The following PTPN11 variants were observed in gnomAD, a reference collection of about 807,000 sequenced individuals.
The protein encoded by PTPN11 is tyrosine-protein phosphatase non-receptor type 11.
Under a neutral mutation model 78.8 loss-of-function variants are expected in PTPN11, and 6 were observed. That is an observed-to-expected ratio of 0.08 (90% CI 0.04 to 0.15). PTPN11 has a LOEUF of 0.15. Ranked by LOEUF, PTPN11 falls within the 10% of genes least tolerant of loss-of-function variation. The probability of loss-of-function intolerance (pLI) is 1.00; values close to 1 mark genes in which losing one functional copy is unlikely to be tolerated. For missense variants in PTPN11, 386 were observed against 744.8 expected, an observed-to-expected ratio of 0.52 and a Z score of 5.61; for synonymous variants, 221 against 263.5, an observed-to-expected ratio of 0.84 and a Z score of 1.56.
intron 13 of PTPN11, among the ~76,000 whole-genome samples, chr12:112,499,096 A>G (rs955563638): frequency 6.6e-6 from 1 of 151,810 alleles, no homozygotes; most frequent in East Asian, 1.9e-4. Context: ...CAGTAATACA[A>G]GACAAAAAAC....
chr12:112,458,163 G>A (rs904936634), intron 6 of PTPN11, among the ~76,000 whole-genome samples: 6 of 152,138 alleles, frequency 3.9e-5, no homozygotes, highest in Non-Finnish European at 5.9e-5. Context: ...CCTAAGGGAG[G>A]TTAAGTAAAT....
At chr12:112,447,658 C>T (rs2038015021) in intron 2 of PTPN11, among the ~76,000 whole-genome samples, 1 of 151,890 alleles carries the variant, frequency 6.6e-6, no homozygotes, top group Admixed American at 6.6e-5. Context: ...TGCCACCATG[C>T]CCAGCTAATT....
In PTPN11 at chr12:112,442,830, T is replaced by TTATATATATA. The variant is rs71086107; in HGVS notation, c.15-3407_15-3398dup. ...CTCTCTCCTCTCTCTCTCTCTCTTTTTATATATATATATATATATATATAT... is the reference window on the plus strand; with the variant it reads ...CTCTCTCCTCTCTCTCTCTCTCTTTTTATATATATATATATATATATATATATATATATAT... On this transcript the variant is annotated intron_variant, in intron 1 of 15. Transcript: ENST00000351677. Among the ~76,000 whole-genome samples the TTATATATATA allele has an allele frequency of 4.1e-3, 179 of 43,450 alleles. 1 individual carries two copies. The highest frequency in any genetic ancestry group is 8.0e-3 in the Non-Finnish European group (134 of 16,714). The allele number at this position is 43,450 out of a possible 152,430, so 28.5% of individuals were successfully genotyped here. A position where few individuals can be genotyped will look rare whatever the true frequency, so the allele number is the denominator to read the frequency against.
At chr12:112,460,702 C>T (rs1251904434) in intron 6 of PTPN11, among the ~76,000 whole-genome samples, 5 of 151,974 alleles carry the variant, frequency 3.3e-5, no homozygotes, top group South Asian at 2.1e-4. Flanking sequence ...ATTAGCTGGG[C>T]GTGGTAGTGC....
intron 1 of PTPN11, among the ~76,000 whole-genome samples, chr12:112,424,867 T>TTGTGTGTGTGTGTGTGTGTGTGTGTA (rs567490227): frequency 3.0e-5 from 4 of 135,082 alleles, no homozygotes; most frequent in Non-Finnish European, 4.7e-5. Context: ...GTCAGGCTAA[T>TTGTGTGTGTGTGTGTGTGTGTGTGTA]TGTGTGTGTG....
At chr12:112,496,027 A>G (rs993507515) in intron 13 of PTPN11, among the ~76,000 whole-genome samples, 1 of 152,184 alleles carries the variant, frequency 6.6e-6, no homozygotes, top group Non-Finnish European at 1.5e-5. Flanking sequence ...CATCTCTTGG[A>G]GCTTAATTGA....
chr12:112,435,243 C>T (rs1470127885), intron 1 of PTPN11, among the ~76,000 whole-genome samples: 1 of 152,146 alleles, frequency 6.6e-6, no homozygotes, highest in Admixed American at 6.6e-5. Context: ...TGATCTTGAA[C>T]TCCTGGTCTC....
chr12:112,442,830 T>TTATA (rs71086107), intron 1 of PTPN11, among the ~76,000 whole-genome samples: 1,141 of 43,230 alleles, frequency 0.026, 24 homozygotes, highest in Non-Finnish European at 0.048. Flanking sequence ...CTCTCTCTTT[T>TTATA]TATATATATA....
chr12:112,482,412 C>T lies in PTPN11; in HGVS notation c.1224+207C>T, dbSNP rs921996614. Among the ~76,000 whole-genome samples the T allele has an allele frequency of 1.3e-5, 2 of 152,188 alleles. No homozygotes were observed. Among genetic ancestry groups the T allele is most frequent in the African/African-American group, 4.8e-5 (2 of 41,444 alleles). ...ACAAGGCAGGTAGTGTTCCTGCCCT[C>T]ATCGAGCCTAGGGAGATAGACAATT... On this transcript the variant is annotated intron_variant, in intron 10 of 15. Transcript: ENST00000351677. This position sits in a 1 kb window ranked among gnomAD's most constrained non-coding sequence, Gnocchi z 4.4.
chr12:112,440,757 A>G (rs2037875741), intron 1 of PTPN11, among the ~76,000 whole-genome samples: 1 of 148,238 alleles, frequency 6.7e-6, no homozygotes, highest in Non-Finnish European at 1.5e-5. Flanking sequence ...TATTTTTAGT[A>G]CAGATGAGGT....
chr12:112,497,400 A>G (rs536492654), intron 13 of PTPN11, among the ~76,000 whole-genome samples: 1 of 152,152 alleles, frequency 6.6e-6, no homozygotes, highest in Non-Finnish European at 1.5e-5. Flanking sequence ...GACATTGATT[A>G]GATGCTGAGG....
chr12:112,471,842 T>G (rs1260228991), intron 6 of PTPN11, among the ~76,000 whole-genome samples: 1 of 151,994 alleles, frequency 6.6e-6, no homozygotes, highest in African/African-American at 2.4e-5. Flanking sequence ...AACCTCTGCC[T>G]CCTGGGTTCA....
At chr12:112,465,944 C>A (rs1302121563) in intron 6 of PTPN11, among the ~76,000 whole-genome samples, 1 of 152,202 alleles carries the variant, frequency 6.6e-6, no homozygotes, top group Non-Finnish European at 1.5e-5. Flanking sequence ...ACTATAGACA[C>A]TTCTGGTTGC....
At chr12:112,479,455 G>T (rs1029113885) in intron 9 of PTPN11, among the ~76,000 whole-genome samples, 2 of 152,180 alleles carry the variant, frequency 1.3e-5, no homozygotes, top group African/African-American at 4.8e-5. Context: ...GAAGGGCAGT[G>T]TGATTTTCAT....
At chr12:112,430,794 T>C (rs979892272) in intron 1 of PTPN11, among the ~76,000 whole-genome samples, 1 of 151,976 alleles carries the variant, frequency 6.6e-6, no homozygotes, top group African/African-American at 2.4e-5. Context: ...TGCAAGTTAG[T>C]TTCAGATATC....
At chr12:112,467,719 T>TC (rs1038233828) in intron 6 of PTPN11, among the ~76,000 whole-genome samples, 7 of 152,270 alleles carry the variant, frequency 4.6e-5, no homozygotes, top group African/African-American at 1.7e-4. Flanking sequence ...GGTCTCGGAC[T>TC]CCTGATCTCA....
At position 112,504,592 on chromosome 12, in the gene PTPN11, T is replaced by G; in HGVS notation, c.1713-103T>G. 1 of 852,912 alleles carries G rather than the reference T, an allele frequency of 1.2e-6. No individual in the cohort carries two copies. The highest frequency in any genetic ancestry group is 2.0e-5 in the Admixed American group (1 of 49,808). 52.8% of individuals were successfully genotyped at this position (852,912 alleles called of 1,614,324 possible). On this transcript the variant is annotated intron_variant, in intron 14 of 15. Transcript: ENST00000351677. This position sits in a 1 kb window ranked among gnomAD's most constrained non-coding sequence, Gnocchi z 4.7. Reference sequence around the variant, plus strand: ...GCACAGGAACTGTGTCTGTACCATATCTGGTGCCCAAAGAATGTAGTATGT... The same window carrying G: ...GCACAGGAACTGTGTCTGTACCATAGCTGGTGCCCAAAGAATGTAGTATGT...
intron 1 of PTPN11, among the ~76,000 whole-genome samples, chr12:112,444,766 G>A (rs2037964511): frequency 1.3e-5 from 2 of 152,150 alleles, no homozygotes; most frequent in Admixed American, 1.3e-4. Flanking sequence ...GGTACAAATT[G>A]TCCCTACTTT....
rs1398992690 is a variant in PTPN11, at chr12:112,450,369, T to C, written c.189T>C (p.Tyr63=). The change falls in exon 3 of 16, where the codon TAT becomes TAC. Residue 63 remains tyrosine (Y), a synonymous_variant. Transcript: ENST00000351677. ...AGATTCAGAACACTGGTGATTACTA[T>C]GACCTGTATGGAGGGGAGAAATTTG... is the stretch of plus-strand genomic sequence containing the variant. ...HIKIQNTGDY[Y]DLYGGEKFAT... 1 of 1,613,148 alleles carries C rather than the reference T, an allele frequency of 6.2e-7. No individual in the cohort carries two copies. Among genetic ancestry groups the C allele is most frequent in the Non-Finnish European group, 8.5e-7 (1 of 1,179,258 alleles).
Sources: gnomAD v4.1 joint callset for allele counts (sites outside exome capture counted in the v4.1 genomes callset) on GRCh38, gnomAD v4.1.1 for gene constraint, Gnocchi (gnomAD v3.1) non-coding constraint, MANE v1.5 for transcripts, NCBI Gene and HGNC (gene_info 2026-07-23, HGNC 2026-07-21) for gene names.